Variants in NEDD4 observed in about 807,000 individuals in gnomAD.
The protein encoded by NEDD4 is NEDD4 E3 ubiquitin protein ligase.
NEDD4 carries 99 observed loss-of-function variants against 144.9 expected under a neutral mutation model. That is an observed-to-expected ratio of 0.68 (90% confidence interval 0.58 to 0.81). NEDD4 has a LOEUF of 0.81. Among genes scored for constraint, NEDD4 ranks in the 30% least tolerant of loss-of-function variants. NEDD4 has a pLI of 0.00. For missense variants in NEDD4, 985 were observed against 1,065.9 expected (o/e 0.92, Z 1.06); for synonymous variants, 318 against 350.6 (o/e 0.91, Z 1.04).
chr15:55,911,593 G>A (rs1483090102), intron 5 of NEDD4, among the ~76,000 whole-genome samples: 2 of 151,290 alleles, frequency 1.3e-5, no homozygotes, highest in Non-Finnish European at 2.9e-5. Context: ...GCAGTGGCGC[G>A]ATCTCGACTC....
chr15:55,849,870 G>A (rs1294859864), intron 14 of NEDD4, among the ~76,000 whole-genome samples: 1 of 150,666 alleles, frequency 6.6e-6, no homozygotes, highest in Non-Finnish European at 1.5e-5. Flanking sequence ...TTGGCTCACT[G>A]CAACCTCCGC....
At chr15:55,981,814 T>G (rs1184736924) in intron 1 of NEDD4, among the ~76,000 whole-genome samples, 1 of 152,174 alleles carries the variant, frequency 6.6e-6, no homozygotes, top group Non-Finnish European at 1.5e-5. Flanking sequence ...ATGATTCAGA[T>G]GGACACTAAA....
chr15:55,989,364 A>G lies in NEDD4; in HGVS notation c.45+4147T>C, dbSNP rs55769519. 8.9e-3 allele frequency among the ~76,000 whole-genome samples: 1,351 copies of G among 152,356 alleles called. 10 individuals are homozygous for G. The highest frequency in any genetic ancestry group is 0.02 in the Middle Eastern group (6 of 294). On this transcript the variant is annotated intron_variant, in intron 1 of 28. Transcript: ENST00000435532. Reference sequence around the variant, plus strand: ...AATTAAAGAGTTGCAAAAAAGCACTAATGGCAAAAACAATACATGAAAGAT... The same window carrying G: ...AATTAAAGAGTTGCAAAAAAGCACTGATGGCAAAAACAATACATGAAAGAT...
At chr15:55,917,147 C>T in intron 5 of NEDD4, 5 of 1,096,546 alleles carry the variant, frequency 4.6e-6, no homozygotes, top group Non-Finnish European at 5.6e-6. Context: ...GACTCAAACA[C>T]AGCCAACCTT....
chr15:55,940,361 G>A (rs567375959), intron 4 of NEDD4, among the ~76,000 whole-genome samples: 1 of 152,082 alleles, frequency 6.6e-6, no homozygotes, highest in Admixed American at 6.6e-5. Flanking sequence ...CTATCAAACT[G>A]TATGAATTAA....
At chr15:55,901,985 T>C (rs937723774) in intron 5 of NEDD4, among the ~76,000 whole-genome samples, 1 of 152,088 alleles carries the variant, frequency 6.6e-6, no homozygotes, top group Non-Finnish European at 1.5e-5. Context: ...TACTTCAACA[T>C]AGAGTACATT....
At chr15:55,932,604 C>T (rs532861752) in intron 4 of NEDD4, among the ~76,000 whole-genome samples, 8 of 152,156 alleles carry the variant, frequency 5.3e-5, no homozygotes, top group Non-Finnish European at 1.0e-4. Context: ...AGGCCATAGG[C>T]ATGGGCAAGG....
rs116638471 is a variant in NEDD4, at chr15:55,919,897, T to C, written c.291+4749A>G. Among the ~76,000 whole-genome samples, 822 of 152,276 alleles carry C rather than the reference T, an allele frequency of 5.4e-3. 8 individuals carry two copies. Among genetic ancestry groups the C allele is most frequent in the African/African-American group, 0.019 (793 of 41,556 alleles). On this transcript the variant is annotated intron_variant, in intron 5 of 28. Transcript: ENST00000435532. ...GGTTAATTGTATGTATCAACTTCGA[T>C]AGGTTATGGTACCCACTTGTTTGGT...
At chr15:55,939,130 A>ACAAAC (rs71110356) in intron 4 of NEDD4, among the ~76,000 whole-genome samples, 6 of 151,334 alleles carry the variant, frequency 4.0e-5, no homozygotes, top group East Asian at 1.9e-4. Flanking sequence ...CAACAAACAA[A>ACAAAC]AAAACCCACC....
intron 14 of NEDD4, among the ~76,000 whole-genome samples, chr15:55,850,239 T>TA (rs2033929733): frequency 6.6e-6 from 1 of 152,202 alleles, no homozygotes; most frequent in East Asian, 1.9e-4. Context: ...GCTTTGGAGC[T>TA]ATAAAGCCTC....
At chr15:55,985,645 T>A (rs946670046) in intron 1 of NEDD4, among the ~76,000 whole-genome samples, 12 of 152,166 alleles carry the variant, frequency 7.9e-5, no homozygotes, top group Middle Eastern at 3.2e-3. Context: ...GGTATTAGGT[T>A]TGAATTGGAA....
chr15:55,959,905 TA>T (rs2037398289), intron 2 of NEDD4, among the ~76,000 whole-genome samples: 1 of 152,250 alleles, frequency 6.6e-6, no homozygotes, highest in African/African-American at 2.4e-5. Flanking sequence ...AGTGAATTCC[TA>T]TAATTTTATG....
intron 2 of NEDD4, among the ~76,000 whole-genome samples, chr15:55,959,988 C>T (rs1011871099): frequency 6.6e-6 from 1 of 151,820 alleles, no homozygotes; most frequent in South Asian, 2.1e-4. Context: ...TCACCCTTAG[C>T]ACAGTTTCCA....
At chr15:55,835,439 T>TTTTTC (rs1555392050) in intron 24 of NEDD4, among the ~76,000 whole-genome samples, 3 of 142,926 alleles carry the variant, frequency 2.1e-5, no homozygotes, top group Non-Finnish European at 3.0e-5. Flanking sequence ...TTTTTTTTTT[T>TTTTTC]CCCATGCCCT....
At chr15:55,975,042 G>A (rs376297046) in intron 1 of NEDD4, among the ~76,000 whole-genome samples, 35 of 151,580 alleles carry the variant, frequency 2.3e-4, no homozygotes, top group East Asian at 1.9e-3. Context: ...ACAGGTGTGC[G>A]ATACCACACC....
At chr15:55,863,824 C>A (rs1333492913) in intron 8 of NEDD4, among the ~76,000 whole-genome samples, 2 of 152,096 alleles carry the variant, frequency 1.3e-5, no homozygotes, top group African/African-American at 4.8e-5. Context: ...TGGAAAAAAT[C>A]ATTTGATAAA....
rs191943171 is a variant in NEDD4 at position 55,915,691 on chromosome 15, T to C, written c.291+8955A>G. On this transcript the variant is annotated intron_variant, in intron 5 of 28. Coordinates refer to ENST00000435532, the MANE Select transcript of NEDD4 (RefSeq NM_006154.4). The stretch of plus-strand genomic sequence containing the variant: ...TCTAATGTAGCTGCTTTTCGTTGGG[T>C]GAAATGCACTGAAACACAAGAATAT... The C allele has an allele frequency of 8.0e-5, 129 of 1,613,954 alleles. 1 individual carries two copies. In the Admixed American group the frequency reaches 2.1e-3, roughly 27 times the overall value.
chr15:55,961,780 A>G (rs1595877354), intron 2 of NEDD4, among the ~76,000 whole-genome samples: 1 of 152,208 alleles, frequency 6.6e-6, no homozygotes, highest in East Asian at 1.9e-4. Flanking sequence ...GTTTGTGGTA[A>G]TATTATTATG....
intron 1 of NEDD4, among the ~76,000 whole-genome samples, chr15:55,985,575 A>C (rs1191399254): frequency 7.9e-5 from 12 of 152,216 alleles, no homozygotes; most frequent in Non-Finnish European, 1.6e-4. Context: ...TATATTAAGG[A>C]TAATAAAAGT....
Sources: gnomAD v4.1 joint callset for allele counts (sites outside exome capture counted in the v4.1 genomes callset) on GRCh38, gnomAD v4.1.1 for gene constraint, MANE v1.5 for transcripts, NCBI Gene and HGNC (gene_info 2026-07-23, HGNC 2026-07-21) for gene names.